Variants in SRGAP3 observed in about 807,000 individuals in gnomAD.
SRGAP3 encodes the protein SLIT-ROBO Rho GTPase activating protein 3, also known as SLIT-ROBO Rho GTPase-activating protein 3.
Under a neutral mutation model 121.1 loss-of-function variants are expected in SRGAP3, and 39 were observed. The observed-to-expected ratio is 0.32, with a 90% CI of 0.25 to 0.42. SRGAP3 has a LOEUF of 0.42. SRGAP3 is among the 10% of genes least tolerant of loss of function. The pLI is 1.00. For synonymous variants in SRGAP3, 601 were observed against 570.0 expected (o/e 1.05, Z -0.77); for missense variants, 1,213 against 1,470.6 (o/e 0.82, Z 2.86).
At chr3:9,013,922 A>C in intron 15 of SRGAP3, 80 bp from the exon 16 acceptor site, 1 of 1,331,414 alleles carries the variant, frequency 7.5e-7, no homozygotes, top group East Asian at 2.3e-5. Flanking sequence ...CACATCTCCT[A>C]TATCAACCCA....
intron 1 of SRGAP3, chr3:9,348,402 T>A (rs1955945400): frequency 3.6e-6 from 2 of 559,156 alleles, no homozygotes; most frequent in Admixed American, 5.8e-5. Flanking sequence ...GCCTCCAGAA[T>A]CCGCGAACCC....
chr3:9,019,090 C>T (rs550219348), intron 14 of SRGAP3, among the ~76,000 whole-genome samples: 2 of 152,198 alleles, frequency 1.3e-5, no homozygotes, highest in South Asian at 4.1e-4. Context: ...ATGGACAGAC[C>T]GTAATTTATA....
chr3:9,326,284 C>G (rs1017909715), intron 2 of SRGAP3: 3 of 151,824 alleles, frequency 2.0e-5, no homozygotes, highest in Non-Finnish European at 2.9e-5. Flanking sequence ...CATGGGAAAG[C>G]TTTTATACAA....
At chr3:9,293,451 CTCTT>C (rs957387501) in intron 3 of SRGAP3, 5 of 152,140 alleles carry the variant, frequency 3.3e-5, no homozygotes, top group Non-Finnish European at 4.4e-5. Flanking sequence ...GAATACGTGA[CTCTT>C]TCTTTTTCCA....
At chr3:9,274,731 G>A (rs1194757837) in intron 3 of SRGAP3, among the ~76,000 whole-genome samples, 1 of 152,216 alleles carries the variant, frequency 6.6e-6, no homozygotes, top group Non-Finnish European at 1.5e-5. Context: ...CTTTCAATGG[G>A]AAGGGGAGCT....
In SRGAP3 at chr3:8,985,351, C is replaced by A; in HGVS notation, c.*168G>T. Reference sequence around the variant, plus strand: ...GGTCCGTGGGATTCCCATGGCTGGACGTGAGCTGCAGCCAGCGCCCGGGCC... The same window carrying A: ...GGTCCGTGGGATTCCCATGGCTGGAAGTGAGCTGCAGCCAGCGCCCGGGCC... On this transcript the variant is annotated 3_prime_UTR_variant, in exon 22 of 22. Transcript: ENST00000383836. The surrounding 1 kb of genome is among the most constrained non-coding windows in gnomAD (Gnocchi z 5.1). 1.5e-6 allele frequency: 2 copies of A among 1,376,296 alleles called. No individual in the cohort carries two copies. The highest frequency in any genetic ancestry group is 1.9e-6 in the Non-Finnish European group (2 of 1,051,288). The allele number at this position is 1,376,296 out of a possible 1,614,324, so 85.3% of individuals were successfully genotyped here.
intron 11 of SRGAP3, 111 bp downstream of exon 11, chr3:9,037,951 AT>A: frequency 7.1e-7 from 1 of 1,417,610 alleles, no homozygotes; most frequent in Non-Finnish European, 1.0e-6. Flanking sequence ...CCTTGGGGAC[AT>A]TGGTGAAGAA....
intron 1 of SRGAP3, among the ~76,000 whole-genome samples, chr3:9,341,594 G>T (rs1955789162): frequency 6.6e-6 from 1 of 152,202 alleles, no homozygotes; most frequent in Non-Finnish European, 1.5e-5. Context: ...CAGGGTGCAG[G>T]TCAGCACCCA....
intron 14 of SRGAP3, among the ~76,000 whole-genome samples, chr3:9,021,143 A>C (rs1259808091): frequency 2.0e-5 from 3 of 152,230 alleles, no homozygotes; most frequent in Non-Finnish European, 2.9e-5. Flanking sequence ...TTCTTGAGGC[A>C]GGACACAGGT....
chr3:9,336,429 G>C (rs1188857962), intron 1 of SRGAP3, among the ~76,000 whole-genome samples: 1 of 151,952 alleles, frequency 6.6e-6, no homozygotes, highest in African/African-American at 2.4e-5. Context: ...TGCACAGGTT[G>C]GTCTCAAACT....
intron 10 of SRGAP3, 63 bp from the exon 11 acceptor site, chr3:9,038,153 T>A: frequency 1.2e-6 from 2 of 1,606,230 alleles, no homozygotes; most frequent in Non-Finnish European, 1.7e-6. Flanking sequence ...AGAACATTCA[T>A]CTTTTTCTAA....
intron 1 of SRGAP3, among the ~76,000 whole-genome samples, chr3:9,204,406 T>C (rs1249483940): frequency 6.6e-6 from 1 of 152,144 alleles, no homozygotes; most frequent in African/African-American, 2.4e-5. Context: ...CCCCGCTCAC[T>C]CCTGGGCCTG....
intron 11 of SRGAP3, chr3:9,033,516 C>G (rs1944596578): frequency 6.6e-6 from 1 of 152,534 alleles, no homozygotes; most frequent in South Asian, 2.1e-4. Context: ...CTCTGCCTCC[C>G]AGGTTCAAGC....
chr3:9,272,483 A>G (rs562656933), intron 3 of SRGAP3, among the ~76,000 whole-genome samples: 101 of 152,316 alleles, frequency 6.6e-4, no homozygotes, highest in African/African-American at 2.3e-3. Flanking sequence ...GGTATTTCAT[A>G]CAAGTATGGA....
chr3:9,164,230 C>T (rs1446291673), intron 1 of SRGAP3, among the ~76,000 whole-genome samples: 1 of 151,400 alleles, frequency 6.6e-6, no homozygotes, highest in Non-Finnish European at 1.5e-5. Context: ...TCAGCAACTA[C>T]TGCTGATGCT....
chr3:9,269,022 G>A (rs1954424040), intron 3 of SRGAP3, among the ~76,000 whole-genome samples: 1 of 152,192 alleles, frequency 6.6e-6, no homozygotes, highest in Non-Finnish European at 1.5e-5. Flanking sequence ...TTTGGAGTTA[G>A]GTGATTAGGA....
chr3:8,985,952 G>C lies in SRGAP3; in HGVS notation c.2887-20C>G. 1 of 1,599,638 alleles carries C rather than the reference G, an allele frequency of 6.3e-7. No homozygotes were observed. The highest frequency in any genetic ancestry group is 8.5e-7 in the Non-Finnish European group (1 of 1,179,930). The stretch of plus-strand genomic sequence containing the variant: ...GATGTCCTGGGGACAGAGGGAGCTG[G>C]GGTCAGCACAGTCTGGAGACCTGGA... On this transcript the variant is annotated intron_variant, in intron 21 of 21. Transcript: ENST00000383836. This position sits in a 1 kb window ranked among gnomAD's most constrained non-coding sequence, Gnocchi z 5.1.
At chr3:9,241,225 T>C (rs1170711431) in intron 1 of SRGAP3, among the ~76,000 whole-genome samples, 2 of 151,920 alleles carry the variant, frequency 1.3e-5, no homozygotes, top group Non-Finnish European at 2.9e-5. Flanking sequence ...CATATATGAC[T>C]GAGACATAGA....
Position 8,985,625 on chromosome 3 carries a change from TG to T in SRGAP3, c.3193del (p.Gln1065SerfsTer17). On this transcript the variant is annotated frameshift_variant, in exon 22 of 22. Coordinates refer to ENST00000383836, the MANE Select transcript of SRGAP3 (RefSeq NM_014850.4). LOFTEE classifies it high-confidence loss of function. The surrounding 1 kb of genome is among the most constrained non-coding windows in gnomAD (Gnocchi z 5.1). Reference protein sequence around the residue: ...PPMRPVRPVVQHRSSSSSSSG... With the variant: ...PPMRPVRPVVXHRSSSSSSSG... ...GCTGCTGCTGCTGCTGGACCGGTGC[TG>T]GACCACCGGCCGCACGGGCCGCATG... 6.3e-7 allele frequency: 1 copy of T among 1,595,524 alleles called. No homozygotes were observed. Among genetic ancestry groups the T allele is most frequent in the Non-Finnish European group, 8.5e-7 (1 of 1,177,954 alleles).
Sources: allele counts gnomAD v4.1 joint callset (sites outside exome capture counted in the v4.1 genomes callset), GRCh38; gene constraint gnomAD v4.1.1; non-coding constraint Gnocchi (gnomAD v3.1); transcripts MANE v1.5; gene names NCBI Gene and HGNC (gene_info 2026-07-23, HGNC 2026-07-21).